Variants in NAV2 observed in about 807,000 individuals in gnomAD.
The protein encoded by NAV2 is neuron navigator 2, also known as helicase, APC down-regulated 1.
Under a neutral mutation model 223.2 loss-of-function variants are expected in NAV2, and 54 were observed. The ratio of observed to expected loss-of-function variants is 0.24; its 90% CI spans 0.19 to 0.30. The LOEUF is 0.30. Among genes scored for constraint, NAV2 ranks in the 10% least tolerant of loss-of-function variants. The pLI is 1.00. For synonymous variants in NAV2, 1,279 were observed against 1,239.3 expected, an observed-to-expected ratio of 1.03 and a Z score of -0.67; for missense variants, 2,806 against 3,147.5, an observed-to-expected ratio of 0.89 and a Z score of 2.60.
chr11:19,728,943 T>G (rs1035570075), intron 1 of NAV2, among the ~76,000 whole-genome samples: 8 of 152,172 alleles, frequency 5.3e-5, no homozygotes, highest in African/African-American at 1.9e-4. Context: ...AAGAGAGAGA[T>G]GCCAAGAGTG....
rs182362399 is a variant in NAV2, at chr11:19,497,975, C to T, written c.75+146948C>T. Among the ~76,000 whole-genome samples the T allele has an allele frequency of 2.0e-5, 3 of 152,336 alleles. No homozygotes were observed. In the East Asian group the frequency reaches 5.8e-4, roughly 29 times the overall value. On this transcript the variant is annotated intron_variant, in intron 1 of 37. Transcript: ENST00000360655. ...AGCTCATTTTGTGCTCACAGTAATTCTGAGGTCGTTTTGTCATCGTCGTAA... is the reference window on the plus strand; with the variant it reads ...AGCTCATTTTGTGCTCACAGTAATTTTGAGGTCGTTTTGTCATCGTCGTAA...
At chr11:19,505,433 G>A (rs2043094096) in intron 1 of NAV2, 1 of 152,254 alleles carries the variant, frequency 6.6e-6, no homozygotes, top group African/African-American at 2.4e-5. Flanking sequence ...GTAGAAAGAA[G>A]CGGAGATGGA....
At chr11:19,625,710 GTTC>G (rs945875010) in intron 1 of NAV2, among the ~76,000 whole-genome samples, 1 of 152,070 alleles carries the variant, frequency 6.6e-6, no homozygotes, top group African/African-American at 2.4e-5. Context: ...GCCAACATTT[GTTC>G]TTCTTTTTCT....
intron 26 of NAV2, among the ~76,000 whole-genome samples, chr11:20,083,609 G>T (rs879857606): frequency 1.3e-5 from 2 of 152,162 alleles, no homozygotes; most frequent in Admixed American, 1.3e-4. Context: ...TCCAGGTCTA[G>T]AATTAAAGAA....
intron 1 of NAV2, among the ~76,000 whole-genome samples, chr11:19,379,212 C>T (rs1455472145): frequency 6.6e-6 from 1 of 152,102 alleles, no homozygotes; most frequent in Non-Finnish European, 1.5e-5. Context: ...CAGGGTCAGA[C>T]AGACTGGATG....
At chr11:20,102,400 G>A (rs186695845) in intron 32 of NAV2, among the ~76,000 whole-genome samples, 197 of 152,244 alleles carry the variant, frequency 1.3e-3, no homozygotes, top group African/African-American at 4.4e-3. Context: ...ACTGGGGCAG[G>A]CACCCAGGTC....
chr11:19,921,612 G>T (rs187198805), intron 6 of NAV2, among the ~76,000 whole-genome samples: 1 of 152,294 alleles, frequency 6.6e-6, no homozygotes, highest in East Asian at 1.9e-4. Context: ...CCAGAGAAAA[G>T]CACATATTTT....
intron 5 of NAV2, among the ~76,000 whole-genome samples, chr11:19,886,350 G>A (rs1306112540): frequency 6.6e-6 from 1 of 152,178 alleles, no homozygotes; most frequent in Admixed American, 6.5e-5. Context: ...CTGGCGAGGG[G>A]AGAAACCGTA....
chr11:20,058,537 A>G (rs1018263916), intron 19 of NAV2, among the ~76,000 whole-genome samples: 2 of 152,252 alleles, frequency 1.3e-5, no homozygotes, highest in Non-Finnish European at 2.9e-5. Flanking sequence ...GACTTCACCA[A>G]TCATCACTAA....
chr11:19,409,604 G>C (rs555020805), intron 1 of NAV2, among the ~76,000 whole-genome samples: 29 of 152,270 alleles, frequency 1.9e-4, no homozygotes, highest in African/African-American at 6.3e-4. Flanking sequence ...CTCCAAGACT[G>C]TCTGGTCTGA....
At chr11:19,930,473 T>C (rs2045220600) in intron 6 of NAV2, among the ~76,000 whole-genome samples, 1 of 152,230 alleles carries the variant, frequency 6.6e-6, no homozygotes, top group Admixed American at 6.5e-5. Flanking sequence ...TTGTAGTTCC[T>C]ATAAGGACAG....
At chr11:19,835,661 T>C (rs183803911) in intron 2 of NAV2, among the ~76,000 whole-genome samples, 19 of 152,204 alleles carry the variant, frequency 1.2e-4, no homozygotes, top group Non-Finnish European at 2.8e-4. Context: ...TTTGTATGTG[T>C]ACACATATTT....
At chr11:19,941,009 C>T (rs1035177961) in intron 8 of NAV2, among the ~76,000 whole-genome samples, 14 of 152,126 alleles carry the variant, frequency 9.2e-5, no homozygotes, top group Non-Finnish European at 4.4e-5. Flanking sequence ...GTGCAGACAT[C>T]AAAAGAGCGA....
chr11:20,037,852 T>C (rs964313760), intron 12 of NAV2, among the ~76,000 whole-genome samples: 1 of 152,166 alleles, frequency 6.6e-6, no homozygotes. Flanking sequence ...AATTTTTTTT[T>C]CCTGAGGCTC....
chr11:19,619,920 C>G (rs561403195), intron 1 of NAV2, among the ~76,000 whole-genome samples: 5 of 152,270 alleles, frequency 3.3e-5, no homozygotes, highest in African/African-American at 1.2e-4. Flanking sequence ...TTTAATCCAT[C>G]TTAAATTAAT....
At chr11:20,106,195 A>ATGTGTGTG (rs1592179575) in intron 35 of NAV2, among the ~76,000 whole-genome samples, 1 of 22,160 alleles carries the variant, frequency 4.5e-5, no homozygotes, top group Non-Finnish European at 1.6e-4. Context: ...ATATATATAT[A>ATGTGTGTG]TATATATATA....
chr11:19,525,554 G>C (rs1275522153), intron 1 of NAV2, among the ~76,000 whole-genome samples: 1 of 152,158 alleles, frequency 6.6e-6, no homozygotes, highest in Admixed American at 6.5e-5. Flanking sequence ...GCCACGCAGG[G>C]GAAGAAGGTT....
chr11:19,872,781 G>T (rs2062604348), intron 4 of NAV2, among the ~76,000 whole-genome samples: 1 of 152,234 alleles, frequency 6.6e-6, no homozygotes, highest in Non-Finnish European at 1.5e-5. Context: ...GGATGCTTGG[G>T]GGCAGAGGCT....
intron 1 of NAV2, among the ~76,000 whole-genome samples, chr11:19,704,695 T>C (rs1049978095): frequency 6.6e-6 from 1 of 152,132 alleles, no homozygotes; most frequent in South Asian, 2.1e-4. Context: ...GGGTCAACTA[T>C]GGTTGCCTAG....
Sources: gnomAD v4.1 joint callset for allele counts (sites outside exome capture counted in the v4.1 genomes callset) on GRCh38, gnomAD v4.1.1 for gene constraint, MANE v1.5 for transcripts, NCBI Gene and HGNC (gene_info 2026-07-23, HGNC 2026-07-21) for gene names.